RPS6KC1: variants seen among roughly 807,000 people sequenced by gnomAD.
RPS6KC1 encodes the protein inactive ribosomal protein S6 kinase delta-1.
RPS6KC1 carries 54 observed loss-of-function variants against 103.8 expected under a neutral mutation model. The observed-to-expected ratio is 0.52, with a 90% confidence interval of 0.42 to 0.65. The LOEUF (loss-of-function observed/expected upper bound fraction) is 0.65, where lower values mean the gene tolerates loss of function less well. RPS6KC1 is among the 30% of genes least tolerant of loss of function. The pLI is 0.00. For synonymous variants in RPS6KC1, 439 were observed against 438.7 expected (o/e 1.00, Z -0.01); for missense variants, 1,151 against 1,253.8 (o/e 0.92, Z 1.24).
At position 213,140,847 on chromosome 1, in the gene RPS6KC1, A is replaced by ATT. The variant is rs35374161; in HGVS notation, c.835+10973_835+10974dup. Among the ~76,000 whole-genome samples, 926 of 132,488 alleles carry ATT rather than the reference A, an allele frequency of 7.0e-3. 10 individuals are homozygous for ATT. The highest frequency in any genetic ancestry group is 0.012 in the African/African-American group (431 of 35,222). The allele number at this position is 132,488 out of a possible 152,430, so 86.9% of individuals were successfully genotyped here. On this transcript the variant is annotated intron_variant, in intron 6 of 14. Coordinates refer to ENST00000366960, the MANE Select transcript of RPS6KC1 (RefSeq NM_012424.6). ...CATAGAATGAGGGAGGAATCCCTTG[A>ATT]TTTTTTTTTTTTTTTTGAATAGTTT...
chr1:213,091,234 G>T (rs1338487521), intron 3 of RPS6KC1, among the ~76,000 whole-genome samples: 3 of 151,740 alleles, frequency 2.0e-5, no homozygotes, highest in African/African-American at 7.3e-5. Flanking sequence ...ATTTTTTTTT[G>T]TATTTTTAGT....
chr1:213,653,726 C>T, the RPS6KC1 span, among the ~76,000 whole-genome samples: 6 of 152,260 alleles, frequency 3.9e-5, no homozygotes, highest in African/African-American at 9.6e-5. Context: ...ATGGTTGTAA[C>T]GCTTGTTCTG....
intron 6 of RPS6KC1, among the ~76,000 whole-genome samples, chr1:213,163,700 T>A (rs981627745): frequency 1.3e-4 from 20 of 151,918 alleles, no homozygotes; most frequent in African/African-American, 4.6e-4. Context: ...AATGGGCAAA[T>A]GAGAAAAGGC....
At chr1:213,280,632 A>T in the RPS6KC1 span, among the ~76,000 whole-genome samples, 1 of 152,168 alleles carries the variant, frequency 6.6e-6, no homozygotes, top group Non-Finnish European at 1.5e-5. Flanking sequence ...AATGGACTTC[A>T]TAGTAGTAAA....
the RPS6KC1 span, among the ~76,000 whole-genome samples, chr1:213,680,205 TA>T: frequency 1.3e-5 from 2 of 152,090 alleles, no homozygotes; most frequent in Non-Finnish European, 2.9e-5. Context: ...GGAACACGAG[TA>T]TTGCACAAAG....
chr1:213,516,666 A>C, the RPS6KC1 span, among the ~76,000 whole-genome samples: 5 of 152,196 alleles, frequency 3.3e-5, no homozygotes, highest in African/African-American at 1.2e-4. Context: ...ATCGATGTTC[A>C]TCAGGGATAT....
At chr1:213,115,792 G>A (rs2083527302) in intron 4 of RPS6KC1, among the ~76,000 whole-genome samples, 1 of 152,154 alleles carries the variant, frequency 6.6e-6, no homozygotes, top group Non-Finnish European at 1.5e-5. Flanking sequence ...CTTTATTTCT[G>A]CCTTCATTTT....
chr1:213,476,310 A>G, the RPS6KC1 span, among the ~76,000 whole-genome samples: 1 of 152,112 alleles, frequency 6.6e-6, no homozygotes, highest in Non-Finnish European at 1.5e-5. Flanking sequence ...AGTGGATGAG[A>G]GATCAAATCT....
At chr1:213,140,735 T>G (rs1393238255) in intron 6 of RPS6KC1, among the ~76,000 whole-genome samples, 1 of 152,112 alleles carries the variant, frequency 6.6e-6, no homozygotes, top group Non-Finnish European at 1.5e-5. Flanking sequence ...GGATTCCTTT[T>G]GCTAGTATTT....
chr1:213,710,746 A>G, the RPS6KC1 span, among the ~76,000 whole-genome samples: 1 of 152,178 alleles, frequency 6.6e-6, no homozygotes, highest in Non-Finnish European at 1.5e-5. Flanking sequence ...TCTTGGCTGT[A>G]AAGGATTTTA....
intron 8 of RPS6KC1, among the ~76,000 whole-genome samples, chr1:213,222,161 G>A (rs1294677028): frequency 1.3e-5 from 2 of 152,146 alleles, no homozygotes; most frequent in African/African-American, 4.8e-5. Context: ...AGGGAACATT[G>A]CTAACCTTTT....
the RPS6KC1 span, among the ~76,000 whole-genome samples, chr1:213,494,611 T>A: frequency 6.6e-6 from 1 of 151,988 alleles, no homozygotes; most frequent in Non-Finnish European, 1.5e-5. Flanking sequence ...TCTATAAGGA[T>A]GCAGAAGGAG....
the RPS6KC1 span, among the ~76,000 whole-genome samples, chr1:213,350,660 T>C: frequency 1.3e-5 from 2 of 152,180 alleles, no homozygotes; most frequent in East Asian, 1.9e-4. Context: ...ACACTTTTTT[T>C]CTCAGATTAT....
chr1:213,742,727 A>G, the RPS6KC1 span, among the ~76,000 whole-genome samples: 2 of 152,244 alleles, frequency 1.3e-5, no homozygotes, highest in Non-Finnish European at 2.9e-5. Context: ...GGCTCATGCA[A>G]TGCAGGCCAA....
At chr1:213,390,284 A>G in the RPS6KC1 span, among the ~76,000 whole-genome samples, 1 of 152,216 alleles carries the variant, frequency 6.6e-6, no homozygotes, top group African/African-American at 2.4e-5. Context: ...TTACAATCAT[A>G]TGGCTTGATT....
At chr1:213,202,119 C>T (rs938871107) in intron 8 of RPS6KC1, among the ~76,000 whole-genome samples, 2 of 152,174 alleles carry the variant, frequency 1.3e-5, no homozygotes, top group South Asian at 2.1e-4. Context: ...CACTAAGTTA[C>T]AGATCAAGGG....
the RPS6KC1 span, among the ~76,000 whole-genome samples, chr1:213,436,446 A>T: frequency 6.6e-6 from 1 of 152,312 alleles, no homozygotes; most frequent in East Asian, 1.9e-4. Flanking sequence ...AAGAGTCAGG[A>T]TAATATTGTT....
the RPS6KC1 span, among the ~76,000 whole-genome samples, chr1:213,477,618 G>A: frequency 0.05 from 7,561 of 152,004 alleles, 610 homozygotes; most frequent in African/African-American, 0.17. Flanking sequence ...TTATATGAAA[G>A]TGAAAAACAA....
intron 3 of RPS6KC1, among the ~76,000 whole-genome samples, chr1:213,086,019 T>G (rs2080361813): frequency 6.6e-6 from 1 of 152,174 alleles, no homozygotes; most frequent in African/African-American, 2.4e-5. Flanking sequence ...ATCTACCATT[T>G]CTTCAAGGAA....
Sources: gnomAD v4.1 joint callset for allele counts (sites outside exome capture counted in the v4.1 genomes callset) on GRCh38, gnomAD v4.1.1 for gene constraint, MANE v1.5 for transcripts, NCBI Gene and HGNC (gene_info 2026-07-23, HGNC 2026-07-21) for gene names.